Variants in UBTD1 observed in about 807,000 individuals in gnomAD.
UBTD1 encodes ubiquitin domain-containing protein 1.
UBTD1 carries 19 observed loss-of-function variants against 21.7 expected under a neutral mutation model. That is an observed-to-expected ratio of 0.87 (90% CI 0.61 to 1.28). The LOEUF (loss-of-function observed/expected upper bound fraction) is 1.28, where lower values mean the gene tolerates loss of function less well. Ranked by LOEUF, UBTD1 falls within the 50% of genes most tolerant of loss-of-function variation. UBTD1 has a pLI of 0.00. For missense variants in UBTD1, 282 were observed against 315.1 expected (o/e 0.89, Z 0.80); for synonymous variants, 116 against 135.1 (o/e 0.86, Z 0.98).
chr10:97,517,822 G>A (rs181973973), intron 1 of UBTD1, among the ~76,000 whole-genome samples: 1 of 152,252 alleles, frequency 6.6e-6, no homozygotes, highest in Non-Finnish European at 1.5e-5. Flanking sequence ...AACTGCATAG[G>A]CCTAGGATCC....
chr10:97,525,372 G>T (rs2040483922), intron 1 of UBTD1, among the ~76,000 whole-genome samples: 1 of 152,218 alleles, frequency 6.6e-6, no homozygotes, highest in Non-Finnish European at 1.5e-5. Flanking sequence ...ACTGGAAAAT[G>T]GAATGAAGTG....
intron 1 of UBTD1, among the ~76,000 whole-genome samples, chr10:97,552,213 A>T (rs561012805): frequency 1.6e-4 from 24 of 146,574 alleles, no homozygotes; most frequent in South Asian, 6.4e-4. Flanking sequence ...AAAAAAAAAA[A>T]TTTTTTTTAA....
At chr10:97,514,484 G>A (rs1465926845) in intron 1 of UBTD1, among the ~76,000 whole-genome samples, 2 of 152,178 alleles carry the variant, frequency 1.3e-5, no homozygotes, top group African/African-American at 4.8e-5. Flanking sequence ...CTTTGCTGCT[G>A]CATGAGGTCA....
At position 97,533,298 on chromosome 10, in the gene UBTD1, T is replaced by G. The variant is rs2040541872; in HGVS notation, c.70+34025T>G. On this transcript the variant is annotated intron_variant, in intron 1 of 2. Transcript: ENST00000370664. ...TTGCTGCCTTCTCCTCCCCACCCAC[T>G]GCTAGAGCCTGTCTGGCATCTATGA... Among the ~76,000 whole-genome samples the G allele has an allele frequency of 2.0e-5, 3 of 152,312 alleles. No homozygotes were observed. The South Asian group carries it at 6.2e-4, about 32-fold the overall frequency.
intron 1 of UBTD1, among the ~76,000 whole-genome samples, chr10:97,525,414 G>T (rs781132203): frequency 6.6e-5 from 10 of 152,184 alleles, no homozygotes; most frequent in Non-Finnish European, 7.4e-5. Flanking sequence ...AATTAGGAGG[G>T]CTTCACAGAA....
chr10:97,523,304 C>T (rs1330774404), intron 1 of UBTD1, among the ~76,000 whole-genome samples: 3 of 152,210 alleles, frequency 2.0e-5, no homozygotes, highest in Non-Finnish European at 4.4e-5. Flanking sequence ...AGGTGGCCAT[C>T]TGGGAGCAAT....
At chr10:97,517,537 A>G (rs1382209803) in intron 1 of UBTD1, among the ~76,000 whole-genome samples, 1 of 152,168 alleles carries the variant, frequency 6.6e-6, no homozygotes, top group Non-Finnish European at 1.5e-5. Flanking sequence ...GAGGTTGTGC[A>G]TGTCACAGGG....
intron 1 of UBTD1, among the ~76,000 whole-genome samples, chr10:97,541,348 G>A (rs974291588): frequency 1.3e-5 from 2 of 152,018 alleles, no homozygotes; most frequent in Non-Finnish European, 2.9e-5. Flanking sequence ...GTGGTGGTAT[G>A]TGCCTGTAGT....
At chr10:97,518,743 G>A (rs1156637532) in intron 1 of UBTD1, among the ~76,000 whole-genome samples, 1 of 152,248 alleles carries the variant, frequency 6.6e-6, no homozygotes, top group Non-Finnish European at 1.5e-5. Context: ...AAATGAGAAT[G>A]AGAGGGTTGC....
intron 1 of UBTD1, among the ~76,000 whole-genome samples, chr10:97,556,454 C>T (rs934682976): frequency 4.6e-5 from 7 of 152,152 alleles, no homozygotes; most frequent in South Asian, 2.1e-4. Flanking sequence ...AAGTCTTGAC[C>T]GGTTTTATTA....
Position 97,499,289 on chromosome 10 carries a change from G to A in UBTD1, c.70+16G>A, listed in dbSNP as rs1305624610. 1 of 1,546,854 alleles carries A rather than the reference G, an allele frequency of 6.5e-7. No homozygotes were observed. Among genetic ancestry groups the A allele is most frequent in the Non-Finnish European group, 8.7e-7 (1 of 1,144,878 alleles). ...AAGCGAGCAGGTAACGATGGGGAAG[G>A]GAGCAGGGCCTCGGGCATCCCGCCA... On this transcript the variant is annotated intron_variant, in intron 1 of 2. Coordinates refer to ENST00000370664, the MANE Select transcript of UBTD1 (RefSeq NM_024954.5).
intron 1 of UBTD1, among the ~76,000 whole-genome samples, chr10:97,559,006 C>A (rs557648088): frequency 2.0e-4 from 31 of 152,312 alleles, no homozygotes; most frequent in Admixed American, 3.9e-4. Context: ...CACCACGCAT[C>A]CGCTCGGGGA....
At chr10:97,537,820 C>CTTTTT (rs57859135) in intron 1 of UBTD1, among the ~76,000 whole-genome samples, 2 of 119,496 alleles carry the variant, frequency 1.7e-5, no homozygotes, top group Admixed American at 1.7e-4. Flanking sequence ...CAGGCTTTCT[C>CTTTTT]TTTTTTTTTT....
At chr10:97,549,251 C>T (rs563828527) in intron 1 of UBTD1, among the ~76,000 whole-genome samples, 3 of 152,306 alleles carry the variant, frequency 2.0e-5, no homozygotes, top group East Asian at 1.9e-4. Context: ...CTCCTGGACT[C>T]CCACCTCCAC....
intron 1 of UBTD1, 80 bp from the exon 2 acceptor site, chr10:97,567,834 G>T: frequency 7.4e-7 from 1 of 1,360,392 alleles, no homozygotes; most frequent in Non-Finnish European, 1.0e-6. Flanking sequence ...GTCTGGCCTG[G>T]GGAGGGGAGG....
At chr10:97,559,487 C>T (rs1684165115) in intron 1 of UBTD1, among the ~76,000 whole-genome samples, 2 of 152,116 alleles carry the variant, frequency 1.3e-5, no homozygotes, top group African/African-American at 4.8e-5. Context: ...CCTTTAGCAC[C>T]AATTTTTACT....
chr10:97,525,493 C>T (rs2040484482), intron 1 of UBTD1, among the ~76,000 whole-genome samples: 1 of 152,100 alleles, frequency 6.6e-6, no homozygotes, highest in Non-Finnish European at 1.5e-5. Flanking sequence ...GGAGAGAAAA[C>T]CAATAGCAAA....
intron 1 of UBTD1, among the ~76,000 whole-genome samples, chr10:97,557,666 C>G (rs1052770411): frequency 6.6e-6 from 1 of 151,934 alleles, no homozygotes; most frequent in Non-Finnish European, 1.5e-5. Context: ...TTTTTGGGAC[C>G]CCTCTTTCTT....
In UBTD1 at chr10:97,535,972, A is replaced by ATTATTATTATTATTG. The variant is rs1554865897; in HGVS notation, c.71-31928_71-31927insGTTATTATTATTATT. Among the ~76,000 whole-genome samples, 462 of 134,738 alleles carry ATTATTATTATTATTG rather than the reference A, an allele frequency of 3.4e-3. 2 individuals are homozygous for ATTATTATTATTATTG. The highest frequency in any genetic ancestry group is 0.013 in the South Asian group (52 of 4,108). The allele number at this position is 134,738 out of a possible 152,430, so 88.4% of individuals were successfully genotyped here. ...ACCTACATGTAGTTGGAGAGAAATT[A>ATTATTATTATTATTG]TTATTATTATTATTATTATTATTAT... On this transcript the variant is annotated intron_variant, in intron 1 of 2. Coordinates refer to ENST00000370664, the MANE Select transcript of UBTD1 (RefSeq NM_024954.5).
Sources: allele counts gnomAD v4.1 joint callset (sites outside exome capture counted in the v4.1 genomes callset), GRCh38; gene constraint gnomAD v4.1.1; transcripts MANE v1.5; gene names NCBI Gene and HGNC (gene_info 2026-07-23, HGNC 2026-07-21).